Variants in GPCPD1 observed in about 807,000 individuals in gnomAD.
GPCPD1 encodes glycerophosphocholine phosphodiesterase 1.
Under a neutral mutation model 89.2 loss-of-function variants are expected in GPCPD1, and 29 were observed. The observed-to-expected ratio is 0.33, with a 90% CI of 0.24 to 0.44. The LOEUF (loss-of-function observed/expected upper bound fraction) is 0.44. Ranked by LOEUF, GPCPD1 falls within the 20% of genes least tolerant of loss-of-function variation. The pLI, the probability that GPCPD1 is intolerant of heterozygous loss-of-function variation, is 1.00. For synonymous variants in GPCPD1, 258 were observed against 266.3 expected, an observed-to-expected ratio of 0.97 and a Z score of 0.30; for missense variants, 594 against 808.9, an observed-to-expected ratio of 0.73 and a Z score of 3.22.
chr20:5,563,045 C>T (rs536356709), intron 15 of GPCPD1, among the ~76,000 whole-genome samples: 11 of 151,254 alleles, frequency 7.3e-5, no homozygotes, highest in Non-Finnish European at 1.5e-4. Context: ...TGCAGTGGCG[C>T]GATCTCGGCT....
At chr20:5,548,267 GAACTACTCTAAAGCTGCTCAAT>G (rs1167128767) in intron 19 of GPCPD1, 1 of 154,156 alleles carries the variant, frequency 6.5e-6, no homozygotes, top group African/African-American at 2.4e-5. Context: ...ACCAGCGTGG[GAACTACTCTAAAGCTGCTCAAT>G]AACGTCAGAC....
chr20:5,552,143 T>A (rs897686435), intron 19 of GPCPD1, among the ~76,000 whole-genome samples: 1 of 151,924 alleles, frequency 6.6e-6, no homozygotes, highest in Non-Finnish European at 1.5e-5. Context: ...ATTTTAAAAC[T>A]ATATACACAT....
chr20:5,559,034 C>T (rs1185997155), intron 17 of GPCPD1, among the ~76,000 whole-genome samples: 1 of 152,012 alleles, frequency 6.6e-6, no homozygotes, highest in Admixed American at 6.6e-5. Flanking sequence ...GAAATCCCAT[C>T]TCTACTAAAA....
intron 2 of GPCPD1, among the ~76,000 whole-genome samples, chr20:5,600,624 G>T (rs1980063064): frequency 6.6e-6 from 1 of 152,224 alleles, no homozygotes; most frequent in African/African-American, 2.4e-5. Flanking sequence ...ACTAGGTCAG[G>T]AGTTCAAGAC....
chr20:5,586,773 A>G (rs1300796032), intron 4 of GPCPD1, among the ~76,000 whole-genome samples: 2 of 152,230 alleles, frequency 1.3e-5, no homozygotes, highest in Non-Finnish European at 2.9e-5. Context: ...CTAAAGAACC[A>G]TAATAAAGTT....
At chr20:5,555,570 G>A (rs1463533070) in intron 19 of GPCPD1, among the ~76,000 whole-genome samples, 1 of 151,902 alleles carries the variant, frequency 6.6e-6, no homozygotes, top group African/African-American at 2.4e-5. Context: ...AAATAAAGAT[G>A]TTTTGGCAGG....
chr20:5,573,619 C>T (rs1986842457), intron 11 of GPCPD1, among the ~76,000 whole-genome samples: 1 of 152,090 alleles, frequency 6.6e-6, no homozygotes, highest in African/African-American at 2.4e-5. Flanking sequence ...TGGCACATGC[C>T]TCTAGTCCCA....
intron 19 of GPCPD1, among the ~76,000 whole-genome samples, chr20:5,554,993 TAGAA>T (rs1317681081): frequency 1.3e-5 from 2 of 152,140 alleles, no homozygotes; most frequent in Non-Finnish European, 2.9e-5. Flanking sequence ...GTGGTGGAAA[TAGAA>T]AGAGACCTAG....
chr20:5,604,445 GA>G lies in GPCPD1; in HGVS notation c.-28-6del, dbSNP rs759508655. ...GATTTATTTTATGATGTCGTGCTAGGAAAAAAAAGAAAAGTAACTTATAGTA... is the reference window on the plus strand; with the variant it reads ...GATTTATTTTATGATGTCGTGCTAGGAAAAAAAGAAAAGTAACTTATAGTA... On this transcript the variant is annotated splice_region_variant and splice_polypyrimidine_tract_variant and intron_variant, in intron 1 of 19. Transcript: ENST00000379019. 58 of 1,370,342 alleles carry G rather than the reference GA, an allele frequency of 4.2e-5. No homozygotes were observed. The highest frequency in any genetic ancestry group is 1.6e-4 in the African/African-American group (11 of 68,604). The allele number at this position is 1,370,342 out of a possible 1,614,324, so 84.9% of individuals were successfully genotyped here.
intron 5 of GPCPD1, chr20:5,585,475 T>C (rs1190675553): frequency 3.9e-5 from 6 of 152,034 alleles, no homozygotes; most frequent in Admixed American, 3.9e-4. Context: ...GATGAATACA[T>C]GTGGGTAATT....
At chr20:5,589,355 T>C (rs1979162339) in intron 4 of GPCPD1, among the ~76,000 whole-genome samples, 1 of 152,226 alleles carries the variant, frequency 6.6e-6, no homozygotes, top group Non-Finnish European at 1.5e-5. Flanking sequence ...CTCACGCCTG[T>C]AATCCCAGCA....
At chr20:5,595,313 A>C (rs1441921105) in intron 3 of GPCPD1, among the ~76,000 whole-genome samples, 1 of 151,500 alleles carries the variant, frequency 6.6e-6, no homozygotes, top group East Asian at 1.9e-4. Context: ...AAATAAATAA[A>C]TAATAAATAA....
chr20:5,551,879 A>G (rs1279718613), intron 19 of GPCPD1, among the ~76,000 whole-genome samples: 9 of 152,210 alleles, frequency 5.9e-5, no homozygotes, highest in African/African-American at 1.9e-4. Context: ...AAACACACTC[A>G]CACACTCTCA....
chr20:5,598,327 G>A (rs1348619649), intron 3 of GPCPD1, among the ~76,000 whole-genome samples: 2 of 152,088 alleles, frequency 1.3e-5, no homozygotes, highest in African/African-American at 4.8e-5. Context: ...GATCGCTTCA[G>A]CCCAGGAGTT....
At chr20:5,568,982 C>T (rs1986554718) in intron 12 of GPCPD1, among the ~76,000 whole-genome samples, 1 of 152,080 alleles carries the variant, frequency 6.6e-6, no homozygotes, top group Non-Finnish European at 1.5e-5. Flanking sequence ...TATCACTTCA[C>T]TCTTTCTCAT....
intron 1 of GPCPD1, among the ~76,000 whole-genome samples, chr20:5,604,979 T>C (rs942731467): frequency 6.6e-6 from 1 of 151,680 alleles, no homozygotes; most frequent in Non-Finnish European, 1.5e-5. Flanking sequence ...AAAGTCTCAA[T>C]AAAGTTTTTT....
intron 4 of GPCPD1, among the ~76,000 whole-genome samples, chr20:5,592,699 A>G (rs1979414567): frequency 6.6e-6 from 1 of 152,242 alleles, no homozygotes; most frequent in African/African-American, 2.4e-5. Context: ...TCCTTTCAGC[A>G]AATAAGTATC....
intron 19 of GPCPD1, chr20:5,549,629 T>A: frequency 2.0e-6 from 1 of 510,006 alleles, no homozygotes; most frequent in African/African-American, 2.0e-5. Flanking sequence ...TGCTAAGATG[T>A]AAGAGAAGTC....
chr20:5,574,792 AT>A (rs1434659640), intron 10 of GPCPD1, among the ~76,000 whole-genome samples: 1 of 152,128 alleles, frequency 6.6e-6, no homozygotes, highest in African/African-American at 2.4e-5. Flanking sequence ...TTAAATAGTT[AT>A]TTTTTTATAG....
Sources: allele counts gnomAD v4.1 joint callset (sites outside exome capture counted in the v4.1 genomes callset), GRCh38; gene constraint gnomAD v4.1.1; transcripts MANE v1.5; gene names NCBI Gene and HGNC (gene_info 2026-07-23, HGNC 2026-07-21).